Variants in VIRMA observed in about 807,000 individuals in gnomAD.
The protein encoded by VIRMA is protein virilizer homolog.
Under a neutral mutation model 182.4 loss-of-function variants are expected in VIRMA, and 65 were observed. The ratio of observed to expected loss-of-function variants is 0.36; its 90% CI spans 0.29 to 0.44. VIRMA has a LOEUF of 0.44. VIRMA is among the 20% of genes least tolerant of loss of function. The probability of loss-of-function intolerance (pLI) is 1.00; values close to 1 mark genes in which losing one functional copy is unlikely to be tolerated. For missense variants in VIRMA, 1,752 were observed against 2,158.1 expected (o/e 0.81, Z 3.73); for synonymous variants, 709 against 743.1 (o/e 0.95, Z 0.75).
At position 94,514,902 on chromosome 8, in the gene VIRMA, G is replaced by A; in HGVS notation, c.2718C>T (p.Asn906=). The change falls in exon 11 of 24, where the codon AAC becomes AAT. Residue 906 remains asparagine, a synonymous_variant. Transcript: ENST00000297591. ...EPLKNLRFEI[N]CIPNLIEYVK... is the part of the protein sequence containing the mutation. ...CATACTCAATTAAGTTTGGGATGCA[G>A]TTAATTTCAAATCTAAGGTTTTTCA... 1 of 1,590,782 alleles carries A rather than the reference G, an allele frequency of 6.3e-7. No homozygotes were observed. The highest frequency in any genetic ancestry group is 8.6e-7 in the Non-Finnish European group (1 of 1,165,176).
chr8:94,550,543 C>T (rs776469866), intron 1 of VIRMA, among the ~76,000 whole-genome samples: 27 of 152,126 alleles, frequency 1.8e-4, no homozygotes, highest in Admixed American at 4.6e-4. Flanking sequence ...CCGCTTGCCT[C>T]GGCCTCCCAA....
rs891785643 is a variant in VIRMA at position 94,526,819 on chromosome 8, T to G, written c.1425A>C (p.Thr475=). 1 of 1,614,072 alleles carries G rather than the reference T, an allele frequency of 6.2e-7. No individual in the cohort carries two copies. The highest frequency in any genetic ancestry group is 8.5e-7 in the Non-Finnish European group (1 of 1,180,032). Reference sequence around the variant, plus strand: ...TGATCACTCCTGCTTGTAGCAGTCCTGTAACTCCTTGAGCCCCACATTCTG... The same window carrying G: ...TGATCACTCCTGCTTGTAGCAGTCCGGTAACTCCTTGAGCCCCACATTCTG... ...SLAECGAQGV[T]GLLQAGVISG... is the part of the protein sequence containing the mutation. Residue 475 remains threonine (T), a synonymous_variant, in exon 8 of 24, where the codon ACA becomes ACC. Coordinates refer to ENST00000297591, the MANE Select transcript of VIRMA (RefSeq NM_015496.5).
At chr8:94,511,837 T>G (rs1009759734) in intron 12 of VIRMA, 108 bp from the exon 13 acceptor site, 16 of 716,872 alleles carry the variant, frequency 2.2e-5, no homozygotes, top group Middle Eastern at 4.6e-4. Flanking sequence ...ATATTTATAA[T>G]AAATGATTTT....
intron 9 of VIRMA, 88 bp from the exon 10 acceptor site, chr8:94,518,030 A>G: frequency 1.1e-6 from 1 of 925,406 alleles, no homozygotes; most frequent in Non-Finnish European, 1.6e-6. Flanking sequence ...TTGGCTTTAA[A>G]GAGATCAAGG....
chr8:94,495,793 A>G lies in VIRMA; in HGVS notation c.4482T>C (p.Ser1494=), dbSNP rs1563678117. 1 of 1,614,034 alleles carries G rather than the reference A, an allele frequency of 6.2e-7. No homozygotes were observed. Among genetic ancestry groups the G allele is most frequent in the South Asian group, 1.1e-5 (1 of 91,078 alleles). The change falls in exon 19 of 24, where the codon AGT becomes AGC. Residue 1494 remains serine (S), a synonymous_variant. Coordinates refer to ENST00000297591, the MANE Select transcript of VIRMA (RefSeq NM_015496.5). The stretch of plus-strand genomic sequence containing the variant: ...AAAGTACTGGTTCTACATCCTGGTC[A>G]CTGAGAGGTAAAGGGTCACCTGATG... ...LESSGDPLPL[S]DQDVEPVLSA... is the part of the protein sequence containing the mutation.
chr8:94,491,639 A>G lies in VIRMA; in HGVS notation c.5079T>C (p.Asn1693=), dbSNP rs2130254110. 1.2e-6 allele frequency: 2 copies of G among 1,614,154 alleles called. No homozygotes were observed. The highest frequency in any genetic ancestry group is 1.7e-5 in the Admixed American group (1 of 60,014). ...KISSRGGFSG[N]RGGRGAFHSQ... ...TGTGGAAAGCACCCCGTCCTCCTCT[A>G]TTGCCTGAAAACCCACCACGGGAAG... Residue 1693 remains asparagine (N), a synonymous_variant, in exon 22 of 24, where the codon AAT becomes AAC. Coordinates refer to ENST00000297591, the MANE Select transcript of VIRMA (RefSeq NM_015496.5).
At chr8:94,532,496 G>A (rs3098722) in intron 5 of VIRMA, among the ~76,000 whole-genome samples, 47,002 of 152,082 alleles carry the variant, frequency 0.31, 7,378 homozygotes, top group South Asian at 0.47. Flanking sequence ...AAACAAGTGC[G>A]TGTCTATCTA....
intron 11 of VIRMA, among the ~76,000 whole-genome samples, chr8:94,514,186 A>G (rs1411775110): frequency 6.6e-6 from 1 of 152,204 alleles, no homozygotes; most frequent in Non-Finnish European, 1.5e-5. Context: ...TTCAAGGTCC[A>G]TTCTGCTCTT....
At chr8:94,490,519 A>G (rs772388033) in intron 22 of VIRMA, among the ~76,000 whole-genome samples, 5 of 152,172 alleles carry the variant, frequency 3.3e-5, no homozygotes, top group Admixed American at 6.6e-5. Context: ...ATCCACTACT[A>G]AAGTATAATT....
rs539995757 is a variant in VIRMA at position 94,540,609 on chromosome 8, G to A, written c.180-2263C>T. Among the ~76,000 whole-genome samples the A allele has an allele frequency of 1.6e-3, 240 of 151,812 alleles. 1 individual carries two copies. Among genetic ancestry groups the A allele is most frequent in the Non-Finnish European group, 2.3e-3 (157 of 67,934 alleles). On this transcript the variant is annotated intron_variant, in intron 2 of 23. Transcript: ENST00000297591. ...CCCAAGTAGCTGAGACTACAGGCAC[G>A]CGCCACCAGGCCCAGCTGATTTTTG...
At chr8:94,531,457 C>T (rs1815170618) in intron 5 of VIRMA, among the ~76,000 whole-genome samples, 1 of 152,188 alleles carries the variant, frequency 6.6e-6, no homozygotes, top group Non-Finnish European at 1.5e-5. Flanking sequence ...ACTTTTCCTT[C>T]CTGGTGTCTC....
intron 15 of VIRMA, among the ~76,000 whole-genome samples, chr8:94,507,102 T>A (rs1030643305): frequency 6.6e-6 from 1 of 151,654 alleles, no homozygotes; most frequent in Admixed American, 6.6e-5. Context: ...TCTTTTTTGG[T>A]TTATAAAGAA....
intron 2 of VIRMA, among the ~76,000 whole-genome samples, chr8:94,542,196 A>G (rs1298994592): frequency 6.6e-6 from 1 of 152,204 alleles, no homozygotes; most frequent in Non-Finnish European, 1.5e-5. Flanking sequence ...AGAATATGGT[A>G]AAGATGATAA....
intron 16 of VIRMA, 78 bp downstream of exon 16, chr8:94,506,422 A>C (rs1424447072): frequency 1.1e-6 from 1 of 884,312 alleles, no homozygotes; most frequent in Non-Finnish European, 1.7e-6. Context: ...AATAGGTATG[A>C]ATTAATGTGG....
At chr8:94,501,712 T>A (rs1813992814) in intron 16 of VIRMA, among the ~76,000 whole-genome samples, 2 of 152,108 alleles carry the variant, frequency 1.3e-5, no homozygotes, top group African/African-American at 2.4e-5. Context: ...AATCCCAGCA[T>A]TTTGGAAGGC....
At position 94,511,572 on chromosome 8, in the gene VIRMA, AGTAACTCT is replaced by A; in HGVS notation, c.2995_3002del (p.Arg999TyrfsTer13). 6.2e-7 allele frequency: 1 copy of A among 1,614,188 alleles called. No homozygotes were observed. Among genetic ancestry groups the A allele is most frequent in the Non-Finnish European group, 8.5e-7 (1 of 1,180,018 alleles). On this transcript the variant is annotated frameshift_variant, in exon 13 of 24. Coordinates refer to ENST00000297591, the MANE Select transcript of VIRMA (RefSeq NM_015496.5). LOFTEE classifies it high-confidence loss of function. Reference sequence around the variant, plus strand: ...GTGTGCAGCGAGCCATTGAAATAGTAGTAACTCTGTGAAGGGTAGTCCCCATGTTGACA... The same window carrying A: ...GTGTGCAGCGAGCCATTGAAATAGTAGTGAAGGGTAGTCCCCATGTTGACA...
At chr8:94,527,958 C>A (rs1375541891) in intron 7 of VIRMA, among the ~76,000 whole-genome samples, 2 of 152,086 alleles carry the variant, frequency 1.3e-5, no homozygotes, top group Non-Finnish European at 2.9e-5. Context: ...TATGGCTGTG[C>A]ACAGTGGCTC....
rs972643546 is a variant in VIRMA at position 94,488,477 on chromosome 8, CTAAA to C, written c.*225_*228del. ...ATTTAGTTTTTCACCTAGAAATTTT[CTAAA>C]TAAATAGTCATACAAAAAAGGGAAA... On this transcript the variant is annotated 3_prime_UTR_variant, in exon 24 of 24. Transcript: ENST00000297591. 1.0e-5 allele frequency: 4 copies of C among 388,666 alleles called. No homozygotes were observed. Among genetic ancestry groups the C allele is most frequent in the East Asian group, 4.0e-5 (1 of 24,882 alleles). The allele number at this position is 388,666 out of a possible 1,614,324, so 24.1% of individuals were successfully genotyped here. A position where few individuals can be genotyped will look rare whatever the true frequency, so the allele number is the denominator to read the frequency against.
chr8:94,496,090 A>T (rs1223743794), intron 18 of VIRMA, 199 bp from the exon 19 acceptor site: 2 of 617,858 alleles, frequency 3.2e-6, no homozygotes, highest in Non-Finnish European at 5.4e-6. Flanking sequence ...ATAGCAGCAG[A>T]GGGTACCCTG....
Sources: gnomAD v4.1 joint callset for allele counts (sites outside exome capture counted in the v4.1 genomes callset) on GRCh38, gnomAD v4.1.1 for gene constraint, MANE v1.5 for transcripts, NCBI Gene and HGNC (gene_info 2026-07-23, HGNC 2026-07-21) for gene names.